GRID2: variants seen among roughly 807,000 people sequenced by gnomAD.
The protein encoded by GRID2 is glutamate ionotropic receptor delta type subunit 2.
In GRID2, 33 loss-of-function variants were observed where a neutral mutation model predicts 114.8. The observed-to-expected ratio is 0.29, with a 90% CI of 0.22 to 0.38. The LOEUF (loss-of-function observed/expected upper bound fraction) is 0.38, where lower values mean the gene tolerates loss of function less well. Ranked by LOEUF, GRID2 falls within the 10% of genes least tolerant of loss-of-function variation. The pLI is 1.00. For synonymous variants in GRID2, 505 were observed against 449.9 expected, an observed-to-expected ratio of 1.12 and a Z score of -1.55; for missense variants, 1,184 against 1,257.7, an observed-to-expected ratio of 0.94 and a Z score of 0.89.
At chr4:92,949,170 G>C (rs972701554) in intron 2 of GRID2, among the ~76,000 whole-genome samples, 11 of 151,682 alleles carry the variant, frequency 7.3e-5, no homozygotes, top group Admixed American at 6.6e-4. Context: ...GTGTGTGAGA[G>C]AGAGAGAGAA....
At chr4:93,350,575 A>G (rs923432527) in intron 8 of GRID2, among the ~76,000 whole-genome samples, 1 of 151,800 alleles carries the variant, frequency 6.6e-6, no homozygotes, top group African/African-American at 2.4e-5. Flanking sequence ...GCAGGGAGCT[A>G]TTTTTTTTAA....
At chr4:93,117,846 G>C (rs1733422984) in intron 4 of GRID2, among the ~76,000 whole-genome samples, 1 of 152,114 alleles carries the variant, frequency 6.6e-6, no homozygotes, top group South Asian at 2.1e-4. Context: ...TAAAGAATCA[G>C]CAATGCATAT....
At chr4:93,718,793 G>A (rs7691633) in intron 14 of GRID2, among the ~76,000 whole-genome samples, 134,250 of 152,150 alleles carry the variant, frequency 0.88, 59,225 homozygotes, top group East Asian at 0.96. Context: ...TTTGAGTTCC[G>A]CTGATAATAA....
At chr4:93,571,246 TC>T (rs755925544) in intron 13 of GRID2, among the ~76,000 whole-genome samples, 5 of 152,138 alleles carry the variant, frequency 3.3e-5, no homozygotes, top group African/African-American at 4.8e-5. Flanking sequence ...AAACATACCT[TC>T]TTTCTCTGTT....
chr4:93,477,342 G>C (rs1725414043), intron 11 of GRID2, among the ~76,000 whole-genome samples: 1 of 152,064 alleles, frequency 6.6e-6, no homozygotes, highest in Admixed American at 6.6e-5. Flanking sequence ...TTAAATTTCA[G>C]TATGAATGTT....
chr4:92,469,694 A>G (rs1356823576), intron 1 of GRID2, among the ~76,000 whole-genome samples: 2 of 152,060 alleles, frequency 1.3e-5, no homozygotes, highest in African/African-American at 4.8e-5. Context: ...AAATAGGAAA[A>G]GACAAATGAA....
chr4:93,541,314 TATA>T (rs1560731887), intron 13 of GRID2, among the ~76,000 whole-genome samples: 2 of 152,098 alleles, frequency 1.3e-5, no homozygotes, highest in African/African-American at 2.4e-5. Context: ...ACAACATGAC[TATA>T]ATGTTTCCCA....
At chr4:93,073,022 A>C (rs1324307205) in intron 2 of GRID2, among the ~76,000 whole-genome samples, 2 of 152,238 alleles carry the variant, frequency 1.3e-5, no homozygotes, top group East Asian at 3.9e-4. Context: ...AAATGTTGCA[A>C]GTAACATAGT....
At position 93,679,317 on chromosome 4, in the gene GRID2, C is replaced by A. The variant is rs1484224422; in HGVS notation, c.2360+52882C>A. ...CCTACAAAGAGACTTAGACTCCCACCCAATAATAATGGGAGGCTTTAACAC... is the reference window on the plus strand; with the variant it reads ...CCTACAAAGAGACTTAGACTCCCACACAATAATAATGGGAGGCTTTAACAC... On this transcript the variant is annotated intron_variant, in intron 14 of 15. Transcript: ENST00000282020. Among the ~76,000 whole-genome samples the A allele has an allele frequency of 2.7e-5, 4 of 150,724 alleles. 1 individual carries two copies. The highest frequency in any genetic ancestry group is 2.5e-5 in the African/African-American group (1 of 40,514).
At chr4:92,681,620 A>G (rs911703391) in intron 2 of GRID2, among the ~76,000 whole-genome samples, 3 of 152,188 alleles carry the variant, frequency 2.0e-5, no homozygotes, top group Admixed American at 6.5e-5. Context: ...CAGCACACCA[A>G]CATGGCACAT....
At chr4:92,499,573 A>G (rs1220757026) in intron 1 of GRID2, among the ~76,000 whole-genome samples, 2 of 152,166 alleles carry the variant, frequency 1.3e-5, no homozygotes, top group Non-Finnish European at 2.9e-5. Context: ...TTAAATAAAT[A>G]GTGTAGGTAG....
chr4:93,385,976 T>A (rs1764276106), intron 8 of GRID2, among the ~76,000 whole-genome samples: 2 of 152,142 alleles, frequency 1.3e-5, no homozygotes, highest in Admixed American at 6.6e-5. Flanking sequence ...ATATGTTAGA[T>A]ATAAATTTTT....
intron 8 of GRID2, among the ~76,000 whole-genome samples, chr4:93,352,599 C>A (rs1760909877): frequency 6.6e-6 from 1 of 151,994 alleles, no homozygotes; most frequent in African/African-American, 2.4e-5. Context: ...ACAGACCAGG[C>A]AGTCTGGCTC....
intron 4 of GRID2, among the ~76,000 whole-genome samples, chr4:93,198,062 C>T (rs932169733): frequency 2.6e-5 from 4 of 151,862 alleles, no homozygotes; most frequent in Non-Finnish European, 4.4e-5. Flanking sequence ...TGTATAAGGA[C>T]GAGTTAGGGC....
intron 2 of GRID2, among the ~76,000 whole-genome samples, chr4:92,656,904 A>G (rs1732267462): frequency 6.6e-6 from 1 of 151,776 alleles, no homozygotes; most frequent in Non-Finnish European, 1.5e-5. Flanking sequence ...GGTAAACATT[A>G]TGTCAAAATA....
chr4:92,366,999 T>G (rs1378480503), intron 1 of GRID2, among the ~76,000 whole-genome samples: 9 of 152,092 alleles, frequency 5.9e-5, no homozygotes, highest in Admixed American at 5.9e-4. Context: ...CTATAGTCCT[T>G]CAATTTCGAA....
chr4:92,433,234 C>T (rs143295224), intron 1 of GRID2, among the ~76,000 whole-genome samples: 3 of 152,262 alleles, frequency 2.0e-5, no homozygotes, highest in East Asian at 1.9e-4. Context: ...GACACAAGGA[C>T]TCCCTCAGTC....
At chr4:93,158,992 T>C (rs1183564571) in intron 4 of GRID2, among the ~76,000 whole-genome samples, 2 of 151,786 alleles carry the variant, frequency 1.3e-5, no homozygotes, top group Non-Finnish European at 2.9e-5. Flanking sequence ...TTGGCCATTA[T>C]TCTTGCCTTA....
intron 2 of GRID2, among the ~76,000 whole-genome samples, chr4:92,808,592 T>C (rs1740524406): frequency 6.6e-6 from 1 of 152,066 alleles, no homozygotes; most frequent in Admixed American, 6.6e-5. Context: ...TTGTTTCTGC[T>C]TTATTTTTGT....
Sources: allele counts gnomAD v4.1 joint callset (sites outside exome capture counted in the v4.1 genomes callset), GRCh38; gene constraint gnomAD v4.1.1; transcripts MANE v1.5; gene names NCBI Gene and HGNC (gene_info 2026-07-23, HGNC 2026-07-21).